GRXCR2: variants seen among roughly 807,000 people sequenced by gnomAD.
GRXCR2 encodes the protein glutaredoxin domain-containing cysteine-rich protein 2.
A neutral mutation model predicts 24.8 loss-of-function variants in GRXCR2; 23 were observed. The observed-to-expected ratio is 0.93, with a 90% CI of 0.67 to 1.32. GRXCR2 has a LOEUF of 1.32. Among genes scored for constraint, GRXCR2 ranks in the 40% most tolerant of loss-of-function variants. GRXCR2 has a pLI of 0.00. For synonymous variants in GRXCR2, 130 were observed against 116.1 expected (o/e 1.12, Z -0.77); for missense variants, 315 against 303.4 (o/e 1.04, Z -0.28).
chr5:145,916,444 T>C (rs1490776796), intron 2 of GRXCR2, among the ~76,000 whole-genome samples: 1 of 152,104 alleles, frequency 6.6e-6, no homozygotes, highest in African/African-American at 2.4e-5. Context: ...TTTGTTTTAT[T>C]GTTCTGTTGC....
intron 2 of GRXCR2, among the ~76,000 whole-genome samples, chr5:145,900,687 G>T (rs1376714678): frequency 6.6e-6 from 1 of 152,190 alleles, no homozygotes; most frequent in Non-Finnish European, 1.5e-5. Context: ...ATACACTGTT[G>T]GTGGGAATGT....
upstream of GRXCR2, among the ~76,000 whole-genome samples, chr5:145,875,736 T>G (rs527961872): frequency 2.6e-5 from 4 of 152,118 alleles, no homozygotes; most frequent in African/African-American, 9.6e-5. Context: ...ACATTGTAAC[T>G]CCCCCAGGAT....
At chr5:145,917,119 CA>C (rs1302529275) in intron 2 of GRXCR2, among the ~76,000 whole-genome samples, 1 of 145,794 alleles carries the variant, frequency 6.9e-6, no homozygotes, top group African/African-American at 2.6e-5. Context: ...CCAGAATCCA[CA>C]TCTCCTTTTA....
rs768005413 is a variant in GRXCR2 at position 145,859,929 on chromosome 5, G to A, written c.565-14C>T. 3.2e-6 allele frequency: 5 copies of A among 1,547,928 alleles called. No homozygotes were observed. The highest frequency in any genetic ancestry group is 1.9e-4 in the Middle Eastern group (1 of 5,360). ...AATATCCCCTTCCTGCAAGAGACAG[G>A]TTAGGGTTTAGTTAAAGCAGCAGTT... On this transcript the variant is annotated splice_polypyrimidine_tract_variant and intron_variant, in intron 2 of 2. Coordinates refer to ENST00000377976, the MANE Select transcript of GRXCR2 (RefSeq NM_001080516.2).
chr5:145,921,342 A>T (rs1581356462), intron 2 of GRXCR2, among the ~76,000 whole-genome samples: 1 of 152,164 alleles, frequency 6.6e-6, no homozygotes, highest in East Asian at 1.9e-4. Flanking sequence ...GTAGCAGCAA[A>T]TGAGGTCACC....
chr5:145,860,754 C>T (rs980649191), intron 2 of GRXCR2, among the ~76,000 whole-genome samples: 9 of 152,138 alleles, frequency 5.9e-5, no homozygotes, highest in African/African-American at 2.2e-4. Context: ...TTGAATAGTT[C>T]CCTTAGCCTC....
chr5:145,870,105 CCTTT>C (rs1400403116), intron 1 of GRXCR2, among the ~76,000 whole-genome samples: 5 of 152,076 alleles, frequency 3.3e-5, no homozygotes, highest in Non-Finnish European at 4.4e-5. Context: ...CCATTTTAAC[CCTTT>C]CTAAGTGTAC....
chr5:145,876,888 T>C (rs1561679877), upstream of GRXCR2, among the ~76,000 whole-genome samples: 1 of 152,198 alleles, frequency 6.6e-6, no homozygotes, highest in Non-Finnish European at 1.5e-5. Context: ...AAAATATTTA[T>C]ATCCTTGAAA....
chr5:145,923,042 G>C (rs949872212), intron 2 of GRXCR2, among the ~76,000 whole-genome samples: 2 of 152,216 alleles, frequency 1.3e-5, no homozygotes, highest in African/African-American at 4.8e-5. Flanking sequence ...CCGGAAACTA[G>C]TTGAAAATGC....
intron 2 of GRXCR2, among the ~76,000 whole-genome samples, chr5:145,924,042 A>T (rs1287210001): frequency 6.6e-6 from 1 of 152,100 alleles, no homozygotes; most frequent in Admixed American, 6.6e-5. Flanking sequence ...TAGTTAGGAT[A>T]CAAGCCATGT....
intron 2 of GRXCR2, among the ~76,000 whole-genome samples, chr5:145,900,291 C>T (rs769681117): frequency 2.0e-5 from 3 of 152,108 alleles, no homozygotes; most frequent in Non-Finnish European, 4.4e-5. Context: ...CTCTCTTCCT[C>T]CTGTTCTGGC....
chr5:145,880,894 T>C (rs1211014487), intron 2 of GRXCR2, among the ~76,000 whole-genome samples: 2 of 152,228 alleles, frequency 1.3e-5, no homozygotes. Flanking sequence ...TCAATAAATG[T>C]AATCCATCAC....
chr5:145,910,795 TAA>T (rs1165898364), intron 2 of GRXCR2, among the ~76,000 whole-genome samples: 1 of 152,112 alleles, frequency 6.6e-6, no homozygotes, highest in East Asian at 1.9e-4. Flanking sequence ...AGATAAGATT[TAA>T]GCTAAAATCA....
At chr5:145,876,232 TACCC>T (rs764792618), upstream of GRXCR2, among the ~76,000 whole-genome samples, 4 of 105,244 alleles carry the variant, frequency 3.8e-5, no homozygotes, top group African/African-American at 6.7e-5. Context: ...CACACACACA[TACCC>T]ACACACACAA....
chr5:145,927,768 CT>C (rs1411719821), intron 2 of GRXCR2, among the ~76,000 whole-genome samples: 2 of 152,164 alleles, frequency 1.3e-5, no homozygotes, highest in East Asian at 3.8e-4. Flanking sequence ...AGGATTCCCT[CT>C]TAAATGTTAG....
intron 1 of GRXCR2, among the ~76,000 whole-genome samples, chr5:145,870,079 C>T (rs1012599944): frequency 6.6e-6 from 1 of 152,084 alleles, no homozygotes; most frequent in African/African-American, 2.4e-5. Context: ...GTAATCTGTA[C>T]ATAACATAGA....
chr5:145,923,965 T>A (rs1757359622), intron 2 of GRXCR2, among the ~76,000 whole-genome samples: 2 of 152,116 alleles, frequency 1.3e-5, no homozygotes, highest in Admixed American at 6.6e-5. Flanking sequence ...AACTTCTAGA[T>A]GTAGAATTAC....
At chr5:145,861,530 C>A (rs1313185627) in intron 2 of GRXCR2, among the ~76,000 whole-genome samples, 4 of 152,080 alleles carry the variant, frequency 2.6e-5, no homozygotes, top group Admixed American at 2.6e-4. Context: ...TTCCCCCACC[C>A]CCATGGCCAC....
At chr5:145,879,888 C>T (rs2149914960) in intron 2 of GRXCR2, among the ~76,000 whole-genome samples, 2 of 152,290 alleles carry the variant, frequency 1.3e-5, no homozygotes, top group Middle Eastern at 6.8e-3. Flanking sequence ...GATTAAGAAA[C>T]TCACTCAAAA....
Sources: gnomAD v4.1 joint callset for allele counts (sites outside exome capture counted in the v4.1 genomes callset) on GRCh38, gnomAD v4.1.1 for gene constraint, MANE v1.5 for transcripts, NCBI Gene and HGNC (gene_info 2026-07-23, HGNC 2026-07-21) for gene names.